The following ARL5B variants were observed in gnomAD, a reference collection of about 807,000 sequenced individuals.
ARL5B encodes ADP-ribosylation factor-like protein 5B.
Under a neutral mutation model 26.9 loss-of-function variants are expected in ARL5B, and 10 were observed. The ratio of observed to expected loss-of-function variants is 0.37; its 90% CI spans 0.23 to 0.63. The LOEUF (loss-of-function observed/expected upper bound fraction) is 0.63. ARL5B is among the 30% of genes least tolerant of loss of function. ARL5B has a pLI of 0.62. For missense variants in ARL5B, 167 were observed against 213.9 expected (o/e 0.78, Z 1.37); for synonymous variants, 87 against 70.4 (o/e 1.24, Z -1.18).
chr10:18,667,764 T>C (rs1271727025), intron 2 of ARL5B, among the ~76,000 whole-genome samples: 1 of 152,020 alleles, frequency 6.6e-6, no homozygotes, highest in Non-Finnish European at 1.5e-5. Flanking sequence ...AGAGTTTTGC[T>C]CTGTTTCTAA....
Position 18,680,760 on chromosome 10 carries a change from T to C in ARL5B, c.*5544T>C, listed in dbSNP as rs1430361741. The C allele has an allele frequency of 6.6e-6, 1 of 152,160 alleles. No homozygotes were observed. The highest frequency in any genetic ancestry group is 1.9e-4 in the East Asian group (1 of 5,206). The allele number at this position is 152,160 out of a possible 1,614,324, so 9.4% of individuals were successfully genotyped here. The stretch of plus-strand genomic sequence containing the variant: ...CAGAATAGTTACAAATTTTACCATG[T>C]TCATCTATTCCACAGAGCATGTTAA... On this transcript the variant is annotated 3_prime_UTR_variant, in exon 6 of 6. Coordinates refer to ENST00000377275, the MANE Select transcript of ARL5B (RefSeq NM_178815.5).
In ARL5B at chr10:18,675,512, G is replaced by C; in HGVS notation, c.*296G>C. Reference sequence around the variant, plus strand: ...CTTGTAAGAAATGTTTGTCATATGCGTGATGTCTTCTGAAATATTCTTATA... The same window carrying C: ...CTTGTAAGAAATGTTTGTCATATGCCTGATGTCTTCTGAAATATTCTTATA... On this transcript the variant is annotated 3_prime_UTR_variant, in exon 6 of 6. Coordinates refer to ENST00000377275, the MANE Select transcript of ARL5B (RefSeq NM_178815.5). The C allele has an allele frequency of 3.0e-6, 1 of 332,308 alleles. No individual in the cohort carries two copies. 20.6% of individuals were successfully genotyped at this position (332,308 alleles called of 1,614,324 possible).
chr10:18,662,388 A>G (rs914236277), intron 1 of ARL5B, among the ~76,000 whole-genome samples: 3 of 152,176 alleles, frequency 2.0e-5, no homozygotes, highest in African/African-American at 7.2e-5. Flanking sequence ...GAATAAGTAT[A>G]CTAAAGCGTG....
At chr10:18,662,778 A>C (rs2059842890) in intron 1 of ARL5B, among the ~76,000 whole-genome samples, 1 of 150,680 alleles carries the variant, frequency 6.6e-6, no homozygotes, top group Admixed American at 6.6e-5. Flanking sequence ...ATCTCGGTCC[A>C]CTGCAACCTC....
intron 1 of ARL5B, among the ~76,000 whole-genome samples, chr10:18,661,487 T>G (rs1253814739): frequency 6.6e-6 from 1 of 152,238 alleles, no homozygotes; most frequent in Non-Finnish European, 1.5e-5. Flanking sequence ...CCTCTAACTT[T>G]CCTGTTGGAA....
chr10:18,667,426 C>T (rs2059866263), intron 2 of ARL5B, among the ~76,000 whole-genome samples: 2 of 152,158 alleles, frequency 1.3e-5, no homozygotes, highest in Non-Finnish European at 2.9e-5. Flanking sequence ...ACTTGTTTCT[C>T]TTGAAAACAT....
chr10:18,666,711 TATA>T (rs1219679922), intron 2 of ARL5B, 76 bp downstream of exon 2: 19 of 1,227,916 alleles, frequency 1.5e-5, no homozygotes, highest in Admixed American at 2.6e-5. Flanking sequence ...AGAGATGCAT[TATA>T]ATAATGACGG....
rs754565590 is a variant in ARL5B at position 18,675,162 on chromosome 10, G to C, written c.492-6G>C. The C allele has an allele frequency of 1.2e-6, 2 of 1,612,100 alleles. No homozygotes were observed. The highest frequency in any genetic ancestry group is 1.7e-6 in the Non-Finnish European group (2 of 1,178,740). The stretch of plus-strand genomic sequence containing the variant: ...TTAATTAAAAATACTTCTATCTTTT[G>C]TTTAGGTTATGCCAAGGTCTAGAGT... On this transcript the variant is annotated splice_polypyrimidine_tract_variant and splice_region_variant and intron_variant, in intron 5 of 5. Coordinates refer to ENST00000377275, the MANE Select transcript of ARL5B (RefSeq NM_178815.5).
chr10:18,666,541 T>C (rs758039062), intron 1 of ARL5B, 34 bp from the exon 2 acceptor site: 1 of 1,529,688 alleles, frequency 6.5e-7, no homozygotes, highest in South Asian at 1.2e-5. Flanking sequence ...AATGCAGTAG[T>C]GTTAAATGTT....
At chr10:18,660,163 A>G (rs983655031) in intron 1 of ARL5B, among the ~76,000 whole-genome samples, 4 of 151,742 alleles carry the variant, frequency 2.6e-5, no homozygotes, top group Admixed American at 2.6e-4. Flanking sequence ...TTCCTCTAGG[A>G]CTTGGGAATG....
At chr10:18,660,257 G>A (rs1440721394) in intron 1 of ARL5B, among the ~76,000 whole-genome samples, 1 of 151,968 alleles carries the variant, frequency 6.6e-6, no homozygotes, top group East Asian at 1.9e-4. Flanking sequence ...GAAACTAAAT[G>A]CTTTTCGGTT....
chr10:18,660,155 C>T lies in ARL5B; in HGVS notation c.46+472C>T, dbSNP rs545235020. Among the ~76,000 whole-genome samples, 229 of 152,148 alleles carry T rather than the reference C, an allele frequency of 1.5e-3. 1 individual carries two copies. Among genetic ancestry groups the T allele is most frequent in the Non-Finnish European group, 2.8e-4 (19 of 67,998 alleles). ...CTTTCACTCTGATTTCGCCTCCTTT[C>T]CTCTAGGACTTGGGAATGAGTTGTC... On this transcript the variant is annotated intron_variant, in intron 1 of 5. Transcript: ENST00000377275.
intron 1 of ARL5B, among the ~76,000 whole-genome samples, chr10:18,663,279 G>T (rs1351713498): frequency 6.6e-6 from 1 of 152,214 alleles, no homozygotes; most frequent in African/African-American, 2.4e-5. Context: ...TGGGATTACA[G>T]GCGTGAGCCA....
intron 3 of ARL5B, 74 bp from the exon 4 acceptor site, chr10:18,672,548 T>G (rs1238687258): frequency 9.9e-7 from 1 of 1,012,754 alleles, no homozygotes; most frequent in Non-Finnish European, 1.5e-6. Flanking sequence ...GTACTTAGAT[T>G]ACTTGAGTAG....
chr10:18,674,242 T>C (rs2059900840), intron 5 of ARL5B, 107 bp downstream of exon 5: 6 of 1,091,988 alleles, frequency 5.5e-6, no homozygotes, highest in Middle Eastern at 4.4e-4. Context: ...GTTTGTTTGT[T>C]CTTAATTAAA....
rs1037698615 is a variant in ARL5B at position 18,676,200 on chromosome 10, C to T, written c.*984C>T. 2 of 152,382 alleles carry T rather than the reference C, an allele frequency of 1.3e-5. No homozygotes were observed. The highest frequency in any genetic ancestry group is 2.9e-5 in the Non-Finnish European group (2 of 67,872). The allele number at this position is 152,382 out of a possible 1,614,324, so 9.4% of individuals were successfully genotyped here. The stretch of plus-strand genomic sequence containing the variant: ...CATTTTGTTTCTTAAAATTTGAAGT[C>T]GTGTCTGTCATAGCATTTTTACTAC... On this transcript the variant is annotated 3_prime_UTR_variant, in exon 6 of 6. Coordinates refer to ENST00000377275, the MANE Select transcript of ARL5B (RefSeq NM_178815.5).
At chr10:18,670,485 C>T (rs191860592) in intron 3 of ARL5B, among the ~76,000 whole-genome samples, 246 of 152,184 alleles carry the variant, frequency 1.6e-3, no homozygotes, top group African/African-American at 5.6e-3. Flanking sequence ...GTGGCATGTG[C>T]CTGTAGTCCC....
chr10:18,673,192 G>C (rs573532259), intron 4 of ARL5B, among the ~76,000 whole-genome samples: 1 of 152,096 alleles, frequency 6.6e-6, no homozygotes, highest in East Asian at 1.9e-4. Flanking sequence ...CTCCCGAGTA[G>C]CTGGGATTAC....
At chr10:18,666,551 T>G in intron 1 of ARL5B, 24 bp from the exon 2 acceptor site, 2 of 1,586,676 alleles carry the variant, frequency 1.3e-6, no homozygotes, top group Non-Finnish European at 1.7e-6. Flanking sequence ...TGTTAAATGT[T>G]TATGATTTGC....
Sources: gnomAD v4.1 joint callset for allele counts (sites outside exome capture counted in the v4.1 genomes callset) on GRCh38, gnomAD v4.1.1 for gene constraint, MANE v1.5 for transcripts, NCBI Gene and HGNC (gene_info 2026-07-23, HGNC 2026-07-21) for gene names.